Variants in KLF12 observed in about 807,000 individuals in gnomAD.
The protein encoded by KLF12 is KLF transcription factor 12, also known as Krueppel-like factor 12.
In KLF12, 9 loss-of-function variants were observed where a neutral mutation model predicts 37.8. The observed-to-expected ratio is 0.24, with a 90% CI of 0.14 to 0.42. The LOEUF (loss-of-function observed/expected upper bound fraction) is 0.42. Ranked by LOEUF, KLF12 falls within the 10% of genes least tolerant of loss-of-function variation. KLF12 has a pLI of 1.00. For synonymous variants in KLF12, 208 were observed against 202.1 expected, an observed-to-expected ratio of 1.03 and a Z score of -0.25; for missense variants, 411 against 516.0, an observed-to-expected ratio of 0.80 and a Z score of 1.97.
chr13:74,097,714 TTGTGTG>T lies in KLF12; in HGVS notation c.-32+36019_-32+36024del, dbSNP rs58698640. 4.0e-3 allele frequency among the ~76,000 whole-genome samples: 589 copies of T among 147,364 alleles called. 6 individuals carry two copies. Among genetic ancestry groups the T allele is most frequent in the African/African-American group, 0.015 (572 of 39,408 alleles). ...TTTATATACATATATATATATGTATTTGTGTGTGTGTGTGTGTGTGTGTATGTTCAT... is the reference window on the plus strand; with the variant it reads ...TTTATATACATATATATATATGTATTTGTGTGTGTGTGTGTGTATGTTCAT... On this transcript the variant is annotated intron_variant, in intron 1 of 7. Coordinates refer to ENST00000377669, the MANE Select transcript of KLF12 (RefSeq NM_007249.5).
chr13:74,048,924 G>A (rs955519122), intron 1 of KLF12, among the ~76,000 whole-genome samples: 1 of 152,112 alleles, frequency 6.6e-6, no homozygotes, highest in Non-Finnish European at 1.5e-5. Flanking sequence ...GAGGGAGGCC[G>A]GCCAATTGTG....
intron 6 of KLF12, among the ~76,000 whole-genome samples, chr13:73,727,791 G>C (rs1876772828): frequency 6.6e-6 from 1 of 151,518 alleles, no homozygotes; most frequent in African/African-American, 2.4e-5. Flanking sequence ...TCCGTCTCCC[G>C]GGTTCAAGTG....
intron 3 of KLF12, among the ~76,000 whole-genome samples, chr13:73,852,266 T>C (rs1885372889): frequency 6.6e-6 from 1 of 152,190 alleles, no homozygotes; most frequent in Non-Finnish European, 1.5e-5. Flanking sequence ...TGTGAATTTA[T>C]AAAACTGACA....
At chr13:73,834,142 C>A (rs962447804) in intron 4 of KLF12, among the ~76,000 whole-genome samples, 1 of 149,682 alleles carries the variant, frequency 6.7e-6, no homozygotes, top group Admixed American at 6.6e-5. Context: ...AACACCTCCT[C>A]CCCCCACCAC....
At chr13:73,709,806 T>G (rs1388679666) in intron 7 of KLF12, among the ~76,000 whole-genome samples, 1 of 152,132 alleles carries the variant, frequency 6.6e-6, no homozygotes, top group Non-Finnish European at 1.5e-5. Flanking sequence ...CTAGGTGGAT[T>G]CTGGCTACTG....
the KLF12 span, among the ~76,000 whole-genome samples, chr13:74,255,894 G>A: frequency 1.3e-5 from 2 of 152,082 alleles, no homozygotes; most frequent in African/African-American, 2.4e-5. Context: ...GGTGGCTCAC[G>A]CCTGTAATCC....
At chr13:73,861,110 A>G (rs1382313301) in intron 3 of KLF12, among the ~76,000 whole-genome samples, 2 of 152,150 alleles carry the variant, frequency 1.3e-5, no homozygotes, top group Non-Finnish European at 2.9e-5. Context: ...TGGTTCCAAA[A>G]CTTAGTCTTC....
chr13:73,887,068 C>T (rs1044603836), intron 3 of KLF12, among the ~76,000 whole-genome samples: 1 of 151,794 alleles, frequency 6.6e-6, no homozygotes, highest in Non-Finnish European at 1.5e-5. Context: ...CACTCACTCA[C>T]TAATTCAGAT....
At chr13:74,197,932 A>C in the KLF12 span, among the ~76,000 whole-genome samples, 1 of 152,150 alleles carries the variant, frequency 6.6e-6, no homozygotes, top group African/African-American at 2.4e-5. Context: ...AGCCAACTTA[A>C]AAAAAATTTT....
intron 5 of KLF12, among the ~76,000 whole-genome samples, chr13:73,789,658 T>TA (rs1466757688): frequency 6.6e-6 from 1 of 151,232 alleles, no homozygotes; most frequent in Admixed American, 6.6e-5. Context: ...TAGTCCCAAA[T>TA]ACACTATCTC....
At chr13:74,057,289 G>A (rs1873298646) in intron 1 of KLF12, among the ~76,000 whole-genome samples, 1 of 152,108 alleles carries the variant, frequency 6.6e-6, no homozygotes, top group Non-Finnish European at 1.5e-5. Flanking sequence ...GTACAACAGG[G>A]ACAGCCAGTT....
chr13:73,932,423 A>G (rs750655881), intron 3 of KLF12, among the ~76,000 whole-genome samples: 9 of 152,208 alleles, frequency 5.9e-5, no homozygotes, highest in Admixed American at 1.3e-4. Context: ...ACCAGGTCGA[A>G]TGCCTTCAGA....
chr13:74,260,545 C>A, the KLF12 span, among the ~76,000 whole-genome samples: 2 of 135,158 alleles, frequency 1.5e-5, no homozygotes, highest in African/African-American at 3.1e-5. Flanking sequence ...CAGAGTGAAA[C>A]ACTGTTTCTA....
chr13:73,807,792 C>T (rs1190294477), intron 5 of KLF12, among the ~76,000 whole-genome samples: 2 of 152,132 alleles, frequency 1.3e-5, no homozygotes, highest in African/African-American at 4.8e-5. Context: ...TTTCCTCCAC[C>T]TTTCACCCCA....
At chr13:74,000,557 G>C (rs906051878) in intron 1 of KLF12, among the ~76,000 whole-genome samples, 1 of 152,060 alleles carries the variant, frequency 6.6e-6, no homozygotes, top group African/African-American at 2.4e-5. Context: ...TCCACCCAAG[G>C]ATTCTTCACT....
At chr13:74,020,576 G>C (rs953280915) in intron 1 of KLF12, among the ~76,000 whole-genome samples, 1 of 152,104 alleles carries the variant, frequency 6.6e-6, no homozygotes, top group African/African-American at 2.4e-5. Context: ...GGAAATAATT[G>C]TTTAGACTTT....
chr13:73,896,543 T>C (rs773538791), intron 3 of KLF12, among the ~76,000 whole-genome samples: 30 of 152,212 alleles, frequency 2.0e-4, no homozygotes, highest in African/African-American at 6.8e-4. Flanking sequence ...GCTTTATCTA[T>C]GAAGGAATTG....
At chr13:73,768,529 G>A (rs1169486108) in intron 5 of KLF12, among the ~76,000 whole-genome samples, 1 of 144,398 alleles carries the variant, frequency 6.9e-6, no homozygotes, top group Non-Finnish European at 1.5e-5. Context: ...TGGCTTATAA[G>A]GTATGGCTTA....
intron 3 of KLF12, among the ~76,000 whole-genome samples, chr13:73,864,106 A>C (rs1334681365): frequency 6.6e-6 from 1 of 152,138 alleles, no homozygotes. Flanking sequence ...ATAACTGGGG[A>C]GTTAAAAATT....
Sources: allele counts gnomAD v4.1 joint callset (sites outside exome capture counted in the v4.1 genomes callset), GRCh38; gene constraint gnomAD v4.1.1; transcripts MANE v1.5; gene names NCBI Gene and HGNC (gene_info 2026-07-23, HGNC 2026-07-21).